Variants in PLCL1 observed in about 807,000 individuals in gnomAD.
PLCL1 encodes the protein phospholipase C like 1 (inactive).
A neutral mutation model predicts 84.4 loss-of-function variants in PLCL1; 41 were observed. The observed-to-expected ratio is 0.49, with a 90% CI of 0.38 to 0.63. The LOEUF is 0.63. Ranked by LOEUF, PLCL1 falls within the 30% of genes least tolerant of loss-of-function variation. PLCL1 has a pLI of 0.00. For missense variants in PLCL1, 1,206 were observed against 1,367.8 expected, an observed-to-expected ratio of 0.88 and a Z score of 1.87; for synonymous variants, 490 against 488.3, an observed-to-expected ratio of 1.00 and a Z score of -0.05.
chr2:198,034,058 C>A (rs1420944967), intron 1 of PLCL1, among the ~76,000 whole-genome samples: 3 of 152,008 alleles, frequency 2.0e-5, no homozygotes, highest in Non-Finnish European at 4.4e-5. Context: ...AGGTTTGTTA[C>A]ATATGTATAC....
intron 1 of PLCL1, among the ~76,000 whole-genome samples, chr2:198,006,471 T>G (rs74935794): frequency 0.23 from 35,057 of 152,010 alleles, 4,181 homozygotes; most frequent in African/African-American, 0.3. Flanking sequence ...CCTACCAGAG[T>G]GGAATTTTCC....
chr2:197,914,767 G>T (rs1688559127), intron 1 of PLCL1, among the ~76,000 whole-genome samples: 1 of 152,278 alleles, frequency 6.6e-6, no homozygotes, highest in South Asian at 2.1e-4. Flanking sequence ...TGTGTGAGGG[G>T]GTTACAGAGA....
chr2:197,885,614 A>T (rs1687907209), intron 1 of PLCL1, among the ~76,000 whole-genome samples: 2 of 152,208 alleles, frequency 1.3e-5, no homozygotes, highest in Admixed American at 1.3e-4. Flanking sequence ...CGTCAAGTTG[A>T]CACAAAAATT....
chr2:198,045,922 A>T (rs1691776619), intron 1 of PLCL1, among the ~76,000 whole-genome samples: 1 of 152,210 alleles, frequency 6.6e-6, no homozygotes, highest in Non-Finnish European at 1.5e-5. Flanking sequence ...AGAGATCTTC[A>T]TTGCATATAT....
chr2:197,940,642 GAT>G lies in PLCL1; in HGVS notation c.240+135304_240+135305del, dbSNP rs200215609. ...GCTGCCTTTGTAATTTGCTTAAATT[GAT>G]TATGTGTACATTTCTTCACTCTCTG... On this transcript the variant is annotated intron_variant, in intron 1 of 5. Transcript: ENST00000428675. Among the ~76,000 whole-genome samples the G allele has an allele frequency of 6.8e-3, 1,039 of 152,262 alleles. 8 individuals carry two copies. The highest frequency in any genetic ancestry group is 0.024 in the African/African-American group (988 of 41,530).
chr2:197,878,583 A>C (rs955946010), intron 1 of PLCL1, among the ~76,000 whole-genome samples: 3 of 152,062 alleles, frequency 2.0e-5, no homozygotes, highest in Non-Finnish European at 4.4e-5. Context: ...TCAATGGGGG[A>C]TGAAAGTGCT....
chr2:197,857,675 A>G (rs1687355401), intron 1 of PLCL1, among the ~76,000 whole-genome samples: 1 of 152,184 alleles, frequency 6.6e-6, no homozygotes, highest in Non-Finnish European at 1.5e-5. Context: ...GTCTAGCTGA[A>G]CACAGAATGA....
chr2:197,807,614 G>C (rs1690511019), intron 1 of PLCL1, among the ~76,000 whole-genome samples: 1 of 152,104 alleles, frequency 6.6e-6, no homozygotes, highest in Admixed American at 6.6e-5. Context: ...TCCAAAAAAA[G>C]TTTAGATCAT....
At chr2:197,833,395 T>C (rs1691112573) in intron 1 of PLCL1, among the ~76,000 whole-genome samples, 1 of 152,332 alleles carries the variant, frequency 6.6e-6, no homozygotes, top group Admixed American at 6.5e-5. Flanking sequence ...GTTGTCTCTG[T>C]TTGCAGATGG....
chr2:197,931,068 C>T (rs950868378), intron 1 of PLCL1, among the ~76,000 whole-genome samples: 1 of 152,080 alleles, frequency 6.6e-6, no homozygotes, highest in East Asian at 1.9e-4. Flanking sequence ...GGCTAAGTCA[C>T]ATTATATGCT....
chr2:198,030,080 G>A (rs1490641680), intron 1 of PLCL1, among the ~76,000 whole-genome samples: 1 of 152,006 alleles, frequency 6.6e-6, no homozygotes, highest in Non-Finnish European at 1.5e-5. Flanking sequence ...AGTCATGGGG[G>A]TTTGCTGCAC....
chr2:197,863,960 A>G (rs1245776281), intron 1 of PLCL1, among the ~76,000 whole-genome samples: 1 of 152,204 alleles, frequency 6.6e-6, no homozygotes, highest in Non-Finnish European at 1.5e-5. Context: ...ACACTCATAG[A>G]CATGACAGCA....
In PLCL1 at chr2:198,012,492, A is replaced by T. The variant is rs140173552; in HGVS notation, c.241-71266A>T. 7.2e-5 allele frequency among the ~76,000 whole-genome samples: 11 copies of T among 152,188 alleles called. No homozygotes were observed. In the East Asian group the frequency reaches 1.9e-3, roughly 27 times the overall value. On this transcript the variant is annotated intron_variant, in intron 1 of 5. Coordinates refer to ENST00000428675, the MANE Select transcript of PLCL1 (RefSeq NM_006226.4). Reference sequence around the variant, plus strand: ...TCTTATAGACACAACATATGGTTGGATCTTATTTTTTTAAGTCCTTCGGCC... The same window carrying T: ...TCTTATAGACACAACATATGGTTGGTTCTTATTTTTTTAAGTCCTTCGGCC...
intron 1 of PLCL1, among the ~76,000 whole-genome samples, chr2:197,994,902 T>A (rs1690426799): frequency 6.6e-6 from 1 of 152,180 alleles, no homozygotes; most frequent in Non-Finnish European, 1.5e-5. Context: ...TCTTATCTAA[T>A]CAGAGAACCA....
At chr2:197,879,402 T>A (rs528866637) in intron 1 of PLCL1, among the ~76,000 whole-genome samples, 1 of 152,282 alleles carries the variant, frequency 6.6e-6, no homozygotes, top group South Asian at 2.1e-4. Flanking sequence ...CAATTTCTGT[T>A]GTGTATCAGA....
At chr2:197,922,639 G>T (rs2105756299) in intron 1 of PLCL1, among the ~76,000 whole-genome samples, 1 of 144,350 alleles carries the variant, frequency 6.9e-6, no homozygotes, top group South Asian at 2.3e-4. Flanking sequence ...GCCGGGCAGG[G>T]GGCTGACCCC....
Position 198,101,295 on chromosome 2 carries a change from A to G in PLCL1, c.2930A>G (p.Glu977Gly), listed in dbSNP as rs1460613742. The G allele has an allele frequency of 6.3e-7, 1 of 1,593,548 alleles. No homozygotes were observed. The highest frequency in any genetic ancestry group is 1.3e-5 in the African/African-American group (1 of 74,194). Residue 977 changes from glutamate to glycine, a missense_variant, in exon 4 of 6, where the codon GAG (glutamate) becomes GGG (glycine). Physicochemically the swap from Glu to Gly is moderately conservative, Grantham distance 98. Transcript: ENST00000428675. ...TTTATTTTGTAACAGATGATTCAAG[A>G]GAGCCGGTTTCTCATAGAAATGGCG... is the stretch of plus-strand genomic sequence containing the variant. ...MLTAYDLMIQ[E>G]SRFLIEMADT...
intron 1 of PLCL1, among the ~76,000 whole-genome samples, chr2:197,918,671 C>T (rs921992413): frequency 2.0e-5 from 3 of 152,040 alleles, no homozygotes; most frequent in African/African-American, 7.2e-5. Flanking sequence ...CCTGTAATCC[C>T]AGCACTTTGG....
Position 197,978,540 on chromosome 2 carries a change from C to T in PLCL1, c.241-105218C>T, listed in dbSNP as rs184203916. Among the ~76,000 whole-genome samples the T allele has an allele frequency of 2.1e-4, 32 of 152,224 alleles. 1 individual carries two copies. Among genetic ancestry groups the T allele is most frequent in the African/African-American group, 7.7e-4 (32 of 41,554 alleles). On this transcript the variant is annotated intron_variant, in intron 1 of 5. Transcript: ENST00000428675. ...TTAAGTTCCTAAGGCATATTTCTGG[C>T]CACAAAAACATCACCAAAACTCGAA...
Sources: gnomAD v4.1 joint callset for allele counts (sites outside exome capture counted in the v4.1 genomes callset) on GRCh38, gnomAD v4.1.1 for gene constraint, MANE v1.5 for transcripts, NCBI Gene and HGNC (gene_info 2026-07-23, HGNC 2026-07-21) for gene names.